Variants in LRRFIP1 observed in about 807,000 individuals in gnomAD.
LRRFIP1 encodes the protein LRR binding FLII interacting protein 1.
In LRRFIP1, 62 loss-of-function variants were observed where a neutral mutation model predicts 104.4. The observed-to-expected ratio is 0.59, with a 90% CI of 0.48 to 0.73. The LOEUF (loss-of-function observed/expected upper bound fraction) is 0.73. Ranked by LOEUF, LRRFIP1 falls within the 30% of genes least tolerant of loss-of-function variation. The pLI is 0.00. For synonymous variants in LRRFIP1, 300 were observed against 299.0 expected (o/e 1.00, Z -0.03); for missense variants, 796 against 824.5 (o/e 0.97, Z 0.42).
At chr2:237,758,071 T>C (rs746447498) in intron 17 of LRRFIP1, among the ~76,000 whole-genome samples, 18 of 152,094 alleles carry the variant, frequency 1.2e-4, no homozygotes, top group Non-Finnish European at 1.5e-5. Flanking sequence ...CCCCACAAAG[T>C]AGTTGTCATG....
intron 11 of LRRFIP1, among the ~76,000 whole-genome samples, chr2:237,747,542 C>CGA (rs2058035495): frequency 1.3e-5 from 2 of 152,224 alleles, no homozygotes. Context: ...CTCCGCAGCT[C>CGA]TCCATCAGGA....
intron 1 of LRRFIP1, among the ~76,000 whole-genome samples, chr2:237,639,887 C>A (rs751546884): frequency 2.6e-5 from 4 of 152,188 alleles, no homozygotes; most frequent in Non-Finnish European, 5.9e-5. Context: ...GCGCCAGGAG[C>A]TCCTCGCTAT....
chr2:237,671,620 G>C (rs34645789), intron 1 of LRRFIP1, among the ~76,000 whole-genome samples: 9,877 of 151,974 alleles, frequency 0.065, 391 homozygotes, highest in East Asian at 0.15. Flanking sequence ...GCAAGGAGTG[G>C]CTCAGGAGCT....
intron 7 of LRRFIP1, among the ~76,000 whole-genome samples, chr2:237,724,100 C>G (rs2094642057): frequency 6.7e-6 from 1 of 149,500 alleles, no homozygotes; most frequent in Non-Finnish European, 1.5e-5. Flanking sequence ...CTCCTAACTT[C>G]CAGTAACAAA....
intron 1 of LRRFIP1, among the ~76,000 whole-genome samples, chr2:237,700,312 G>C (rs55752611): frequency 6.6e-6 from 1 of 152,142 alleles, no homozygotes; most frequent in Non-Finnish European, 1.5e-5. Flanking sequence ...GGGAAGAATC[G>C]CACAAGGACC....
At chr2:237,704,278 G>A (rs1378083409) in intron 1 of LRRFIP1, among the ~76,000 whole-genome samples, 2 of 150,748 alleles carry the variant, frequency 1.3e-5, no homozygotes, top group Non-Finnish European at 2.9e-5. Context: ...TCAGCCTCCC[G>A]AGTAGCTGGG....
intron 2 of LRRFIP1, 25 bp downstream of exon 2, chr2:237,708,655 G>T (rs1464927495): frequency 6.3e-7 from 1 of 1,581,506 alleles, no homozygotes; most frequent in Non-Finnish European, 8.6e-7. Flanking sequence ...TCCTTGTTGG[G>T]TCTTTTCACA....
intron 1 of LRRFIP1, among the ~76,000 whole-genome samples, chr2:237,658,480 T>A (rs1415176870): frequency 6.6e-6 from 1 of 152,180 alleles, no homozygotes; most frequent in Middle Eastern, 3.2e-3. Context: ...ACCAAGAAAT[T>A]TTTTCAAAAA....
In LRRFIP1 at chr2:237,632,738, T is replaced by C. The variant is rs77122327; in HGVS notation, c.96+4998T>C. Among the ~76,000 whole-genome samples the C allele has an allele frequency of 1.6e-3, 238 of 152,248 alleles. 1 individual carries two copies. Among genetic ancestry groups the C allele is most frequent in the African/African-American group, 5.5e-3 (227 of 41,550 alleles). On this transcript the variant is annotated intron_variant, in intron 1 of 23. Transcript: ENST00000308482. The stretch of plus-strand genomic sequence containing the variant: ...GGGGTTCAGTGTGGAAACTTCGCTC[T>C]ACCTCTCTCCAGCACTAACCTGACC...
At position 237,731,642 on chromosome 2, in the gene LRRFIP1, T is replaced by G. The variant is rs532073371; in HGVS notation, c.445-2132T>G. On this transcript the variant is annotated intron_variant, in intron 8 of 23. Coordinates refer to ENST00000308482, the MANE Select transcript of LRRFIP1 (RefSeq NM_001137550.2). ...GAGGGCACTTAGTCATTAAGAAAACTTCATTTCCAACTCATTTTCGATAAG... is the reference window on the plus strand; with the variant it reads ...GAGGGCACTTAGTCATTAAGAAAACGTCATTTCCAACTCATTTTCGATAAG... Among the ~76,000 whole-genome samples the G allele has an allele frequency of 9.9e-4, 150 of 152,212 alleles. 1 individual carries two copies. The highest frequency in any genetic ancestry group is 1.8e-3 in the Non-Finnish European group (123 of 68,038).
rs1323778016 is a variant in LRRFIP1 at position 237,691,893 on chromosome 2, C to T, written c.97-16651C>T. 6.8e-6 allele frequency among the ~76,000 whole-genome samples: 1 copy of T among 147,190 alleles called. No individual in the cohort carries two copies. Among genetic ancestry groups the T allele is most frequent in the African/African-American group, 2.5e-5 (1 of 40,072 alleles). ...CGGGGCAGGACCAGGAAGATCCTTC[C>T]GAGACGGAGCGCGGGGGGCGGGGCG... On this transcript the variant is annotated intron_variant, in intron 1 of 23. Coordinates refer to ENST00000308482, the MANE Select transcript of LRRFIP1 (RefSeq NM_001137550.2). The surrounding 1 kb of genome is among the most constrained non-coding windows in gnomAD (Gnocchi z 5.4).
intron 19 of LRRFIP1, chr2:237,763,253 A>G (rs1194783040): frequency 6.2e-7 from 1 of 1,614,050 alleles, no homozygotes; most frequent in Non-Finnish European, 8.5e-7. Context: ...CGAGAAACCA[A>G]TCAAGACAGA....
At chr2:237,682,777 C>G (rs2091971345) in intron 1 of LRRFIP1, among the ~76,000 whole-genome samples, 2 of 152,378 alleles carry the variant, frequency 1.3e-5, no homozygotes, top group South Asian at 4.1e-4. Flanking sequence ...CCTTCAAGTT[C>G]TCACTGGATG....
intron 1 of LRRFIP1, among the ~76,000 whole-genome samples, chr2:237,634,913 A>G (rs1295366780): frequency 1.3e-5 from 2 of 152,170 alleles, no homozygotes; most frequent in Non-Finnish European, 2.9e-5. Flanking sequence ...TTATTCTCCC[A>G]TGGAAATCTA....
At chr2:237,636,533 A>G (rs866186468) in intron 1 of LRRFIP1, among the ~76,000 whole-genome samples, 1 of 152,022 alleles carries the variant, frequency 6.6e-6, no homozygotes, top group Non-Finnish European at 1.5e-5. Flanking sequence ...TACTCTAAGG[A>G]TATTAAGCAA....
intron 6 of LRRFIP1, 25 bp from the exon 7 acceptor site, chr2:237,723,523 T>C: frequency 6.2e-7 from 1 of 1,613,578 alleles, no homozygotes. Context: ...GTTGTTTTTT[T>C]TTTCTGCCAT....
At chr2:237,744,409 C>T (rs952370813) in intron 11 of LRRFIP1, among the ~76,000 whole-genome samples, 3 of 149,930 alleles carry the variant, frequency 2.0e-5, no homozygotes, top group South Asian at 2.1e-4. Context: ...TCTCTGGGTA[C>T]GTGAACAGGT....
intron 1 of LRRFIP1, among the ~76,000 whole-genome samples, chr2:237,694,993 G>A (rs1393860777): frequency 6.6e-6 from 1 of 152,200 alleles, no homozygotes; most frequent in Non-Finnish European, 1.5e-5. Flanking sequence ...CTGGGCCAGG[G>A]TCCCCAGGTG....
At chr2:237,656,533 C>T (rs1031893784) in intron 1 of LRRFIP1, among the ~76,000 whole-genome samples, 1 of 152,210 alleles carries the variant, frequency 6.6e-6, no homozygotes, top group Non-Finnish European at 1.5e-5. Context: ...TGGTTCTTGG[C>T]TGTGGCCCTG....
Sources: gnomAD v4.1 joint callset for allele counts (sites outside exome capture counted in the v4.1 genomes callset) on GRCh38, gnomAD v4.1.1 for gene constraint, Gnocchi (gnomAD v3.1) non-coding constraint, MANE v1.5 for transcripts, NCBI Gene and HGNC (gene_info 2026-07-23, HGNC 2026-07-21) for gene names.